HDAC9: variants seen among roughly 807,000 people sequenced by gnomAD.
HDAC9 encodes MEF-2 interacting transcription repressor (MITR) protein.
Under a neutral mutation model 139.4 loss-of-function variants are expected in HDAC9, and 41 were observed. The observed-to-expected ratio is 0.29, with a 90% confidence interval of 0.23 to 0.38. The LOEUF (loss-of-function observed/expected upper bound fraction) is 0.38. HDAC9 is among the 10% of genes least tolerant of loss of function. HDAC9 has a pLI of 1.00. For synonymous variants in HDAC9, 517 were observed against 476.2 expected, an observed-to-expected ratio of 1.09 and a Z score of -1.12; for missense variants, 1,147 against 1,297.0, an observed-to-expected ratio of 0.88 and a Z score of 1.78.
At chr7:18,835,656 C>A in intron 20 of HDAC9, 70 bp downstream of exon 20, 1 of 1,575,738 alleles carries the variant, frequency 6.3e-7, no homozygotes, top group Non-Finnish European at 8.7e-7. Context: ...ATGATTACCC[C>A]TAATTTTCTT....
chr7:18,349,595 T>A (rs1782697886), intron 1 of HDAC9, among the ~76,000 whole-genome samples: 1 of 152,008 alleles, frequency 6.6e-6, no homozygotes, highest in Non-Finnish European at 1.5e-5. Context: ...CTGATATTCT[T>A]TATGTTAGTA....
intron 2 of HDAC9, among the ~76,000 whole-genome samples, chr7:18,556,833 T>TG (rs1429706825): frequency 6.6e-6 from 1 of 152,022 alleles, no homozygotes; most frequent in Non-Finnish European, 1.5e-5. Context: ...AGAAGAGTTT[T>TG]GGGGGTAATG....
chr7:18,731,238 T>A (rs1366091328), intron 13 of HDAC9, among the ~76,000 whole-genome samples: 1 of 152,150 alleles, frequency 6.6e-6, no homozygotes, highest in Non-Finnish European at 1.5e-5. Context: ...AGAGGCTATT[T>A]GTATTTGTAT....
intron 11 of HDAC9, among the ~76,000 whole-genome samples, chr7:18,665,874 A>G (rs1028575214): frequency 3.0e-4 from 46 of 152,176 alleles, no homozygotes; most frequent in African/African-American, 1.0e-3. Context: ...AACTTTCAAA[A>G]CATGTCCTTT....
intron 1 of HDAC9, chr7:18,162,199 C>G: frequency 4.9e-6 from 4 of 817,672 alleles, no homozygotes; most frequent in Non-Finnish European, 7.9e-6. Flanking sequence ...TAGCTTGTAT[C>G]TTAAACACTG....
At chr7:18,284,451 A>G (rs1017253944) in intron 2 of HDAC9, among the ~76,000 whole-genome samples, 7 of 152,108 alleles carry the variant, frequency 4.6e-5, no homozygotes, top group African/African-American at 1.7e-4. Context: ...CCAATTTTCC[A>G]TTATCTCCTA....
intron 1 of HDAC9, among the ~76,000 whole-genome samples, chr7:18,482,417 A>AAAAT (rs1795637817): frequency 2.1e-5 from 3 of 139,596 alleles, no homozygotes; most frequent in Non-Finnish European, 4.6e-5. Flanking sequence ...AAAAAAAAAA[A>AAAAT]TTCTCCTTGG....
At chr7:18,800,771 T>C (rs1225158846) in intron 17 of HDAC9, among the ~76,000 whole-genome samples, 1 of 152,062 alleles carries the variant, frequency 6.6e-6, no homozygotes, top group Non-Finnish European at 1.5e-5. Context: ...AAGTCAAAGC[T>C]GCAGTGAGCC....
intron 12 of HDAC9, among the ~76,000 whole-genome samples, chr7:18,706,160 C>CTTTTTTTTTTTTT (rs1165670432): frequency 1.4e-4 from 12 of 86,760 alleles, no homozygotes; most frequent in South Asian, 9.6e-4. Context: ...GAAAGTTTTC[C>CTTTTTTTTTTTTT]TTTTTTTTTT....
chr7:18,242,395 G>A (rs1027066615), intron 2 of HDAC9, among the ~76,000 whole-genome samples: 14 of 152,250 alleles, frequency 9.2e-5, no homozygotes, highest in African/African-American at 3.4e-4. Flanking sequence ...CGATTGATTT[G>A]TTCTGAGAAA....
At chr7:18,639,641 A>G (rs1206429606) in intron 8 of HDAC9, among the ~76,000 whole-genome samples, 6 of 152,068 alleles carry the variant, frequency 3.9e-5, no homozygotes, top group African/African-American at 1.4e-4. Context: ...AATAAATACA[A>G]TCTTGAAAAA....
At chr7:18,601,560 A>G (rs551692713) in intron 6 of HDAC9, among the ~76,000 whole-genome samples, 109 of 152,224 alleles carry the variant, frequency 7.2e-4, no homozygotes, top group African/African-American at 2.2e-3. Flanking sequence ...CCTTGTTCCC[A>G]ATGTCAGGGG....
At chr7:18,451,359 G>C (rs539236430) in intron 1 of HDAC9, among the ~76,000 whole-genome samples, 146 of 135,248 alleles carry the variant, frequency 1.1e-3, no homozygotes, top group African/African-American at 3.9e-3. Context: ...CAAGACACAT[G>C]TATATGTGCG....
intron 1 of HDAC9, among the ~76,000 whole-genome samples, chr7:18,377,503 G>T (rs1208840684): frequency 2.0e-5 from 3 of 152,108 alleles, no homozygotes; most frequent in African/African-American, 7.2e-5. Flanking sequence ...TTTTAAGAAT[G>T]AGAAATAAAC....
intron 5 of HDAC9, 107 bp downstream of exon 5, chr7:18,591,749 C>T: frequency 6.9e-7 from 1 of 1,447,456 alleles, no homozygotes. Context: ...AGCTGTCTGG[C>T]TGTGGGCAAG....
At chr7:18,576,943 AAAAG>A (rs953353450) in intron 2 of HDAC9, among the ~76,000 whole-genome samples, 4 of 152,162 alleles carry the variant, frequency 2.6e-5, no homozygotes, top group African/African-American at 9.7e-5. Context: ...GTGAGAGAGA[AAAAG>A]AGAGAGAGAG....
In HDAC9 at chr7:18,886,624, T is replaced by C. The variant is rs144187195; in HGVS notation, c.2803+12028T>C. On this transcript the variant is annotated intron_variant, in intron 22 of 25. Transcript: ENST00000686413. ...GCATCTTAGATTCAATGGAAAATAATATTTTACTCTTTGAGATGTTTGTAA... is the reference window on the plus strand; with the variant it reads ...GCATCTTAGATTCAATGGAAAATAACATTTTACTCTTTGAGATGTTTGTAA... 1.1e-3 allele frequency among the ~76,000 whole-genome samples: 169 copies of C among 152,324 alleles called. 5 individuals are homozygous for C. In the East Asian group the frequency reaches 0.027, roughly 25 times the overall value.
chr7:18,954,131 CTACTATTCTT>C lies in HDAC9; in HGVS notation c.2938-14_2938-5del. 1 of 1,521,172 alleles carries C rather than the reference CTACTATTCTT, an allele frequency of 6.6e-7. No homozygotes were observed. The highest frequency in any genetic ancestry group is 9.0e-7 in the Non-Finnish European group (1 of 1,115,608). The allele number at this position is 1,521,172 out of a possible 1,614,324, so 94.2% of individuals were successfully genotyped here. ...CATAATATTCTGCTCATACTATTAT[CTACTATTCTT>C]GCAGCTGGAGCCACTTGCAGAAGAT... On this transcript the variant is annotated splice_polypyrimidine_tract_variant and splice_region_variant and intron_variant, in intron 23 of 25. Transcript: ENST00000686413.
chr7:18,774,284 A>ATATAT (rs1350052750), intron 16 of HDAC9, among the ~76,000 whole-genome samples: 2 of 152,038 alleles, frequency 1.3e-5, no homozygotes, highest in Admixed American at 1.3e-4. Context: ...TAAAGGACTA[A>ATATAT]TATATTCGAT....
Sources: gnomAD v4.1 joint callset for allele counts (sites outside exome capture counted in the v4.1 genomes callset) on GRCh38, gnomAD v4.1.1 for gene constraint, MANE v1.5 for transcripts, NCBI Gene and HGNC (gene_info 2026-07-23, HGNC 2026-07-21) for gene names.